The following CTNNA3 variants were observed in gnomAD, a reference collection of about 807,000 sequenced individuals.
The protein encoded by CTNNA3 is catenin alpha-3.
In CTNNA3, 76 loss-of-function variants were observed where a neutral mutation model predicts 95.7. The observed-to-expected ratio is 0.79, with a 90% CI of 0.66 to 0.96. The LOEUF is 0.96. Ranked by LOEUF, CTNNA3 falls within the 40% of genes least tolerant of loss-of-function variation. CTNNA3 has a pLI of 0.00. For missense variants in CTNNA3, 1,191 were observed against 1,089.8 expected (o/e 1.09, Z -1.31); for synonymous variants, 431 against 374.4 (o/e 1.15, Z -1.74).
chr10:66,299,121 C>T (rs929704503), intron 12 of CTNNA3, among the ~76,000 whole-genome samples: 6 of 152,138 alleles, frequency 3.9e-5, no homozygotes, highest in East Asian at 3.9e-4. Context: ...CAAGTTGTCC[C>T]GCCTTTCTAG....
rs1018773386 is a variant in CTNNA3 at position 66,108,242 on chromosome 10, CACAA to C, written c.1885-4997_1885-4994del. Among the ~76,000 whole-genome samples, 6 of 152,128 alleles carry C rather than the reference CACAA, an allele frequency of 3.9e-5. No homozygotes were observed. The East Asian group carries it at 7.7e-4, about 20-fold the overall frequency. Reference sequence around the variant, plus strand: ...ACATGGCCCTTGTTTAACACACACACACAAACAAACACTGAAGTTCCTGCCCCAC... The same window carrying C: ...ACATGGCCCTTGTTTAACACACACACACAAACACTGAAGTTCCTGCCCCAC... On this transcript the variant is annotated intron_variant, in intron 13 of 17. Coordinates refer to ENST00000433211, the MANE Select transcript of CTNNA3 (RefSeq NM_013266.4).
chr10:66,775,380 T>C (rs1198575568), intron 8 of CTNNA3, 64 bp downstream of exon 8: 5 of 1,062,218 alleles, frequency 4.7e-6, no homozygotes, highest in Non-Finnish European at 5.6e-6. Context: ...CAAATATGCC[T>C]GCAATGAATA....
At chr10:67,161,386 T>C (rs1012963669) in intron 7 of CTNNA3, among the ~76,000 whole-genome samples, 2 of 151,598 alleles carry the variant, frequency 1.3e-5, no homozygotes, top group Admixed American at 6.6e-5. Flanking sequence ...ATTTAATATA[T>C]TTATATAATA....
At chr10:66,008,604 G>A (rs1001699386) in intron 15 of CTNNA3, among the ~76,000 whole-genome samples, 5 of 152,012 alleles carry the variant, frequency 3.3e-5, no homozygotes, top group African/African-American at 1.2e-4. Flanking sequence ...TTCTCTATAC[G>A]TCTATGTTTC....
At chr10:66,381,834 G>A (rs2092841482) in intron 11 of CTNNA3, among the ~76,000 whole-genome samples, 1 of 152,130 alleles carries the variant, frequency 6.6e-6, no homozygotes, top group African/African-American at 2.4e-5. Context: ...GAAAGCATAT[G>A]TATATTATCA....
At chr10:66,234,918 G>A (rs1043485241) in intron 13 of CTNNA3, among the ~76,000 whole-genome samples, 11 of 152,134 alleles carry the variant, frequency 7.2e-5, no homozygotes, top group Admixed American at 2.6e-4. Context: ...TGCAATTGAA[G>A]CCATCTGCTA....
chr10:67,407,034 T>C (rs150785072), intron 5 of CTNNA3, among the ~76,000 whole-genome samples: 4 of 152,206 alleles, frequency 2.6e-5, no homozygotes, highest in East Asian at 1.9e-4. Flanking sequence ...TTCCAAACAA[T>C]TGAAAAGCAG....
intron 7 of CTNNA3, among the ~76,000 whole-genome samples, chr10:67,175,083 A>G (rs1196092294): frequency 2.2e-5 from 2 of 92,956 alleles, no homozygotes; most frequent in South Asian, 4.4e-4. Context: ...AAAAAAAAAA[A>G]AAAGAAAGGA....
intron 17 of CTNNA3, among the ~76,000 whole-genome samples, chr10:65,964,089 A>G (rs2133249462): frequency 6.6e-6 from 1 of 152,272 alleles, no homozygotes; most frequent in Admixed American, 6.5e-5. Flanking sequence ...AAATTTCTGT[A>G]ATTTTTAGTG....
chr10:67,506,717 C>T (rs999292011), intron 5 of CTNNA3, among the ~76,000 whole-genome samples: 5 of 152,058 alleles, frequency 3.3e-5, no homozygotes, highest in African/African-American at 4.8e-5. Context: ...ACAAGGACAC[C>T]GTAACAGTCA....
chr10:66,199,782 TATATATATATATATATATA>T lies in CTNNA3; in HGVS notation c.1884+80669_1884+80687del, dbSNP rs2087221871. Among the ~76,000 whole-genome samples, 9 of 12,666 alleles carry T rather than the reference TATATATATATATATATATA, an allele frequency of 7.1e-4. 1 individual carries two copies. Among genetic ancestry groups the T allele is most frequent in the African/African-American group, 2.2e-3 (8 of 3,720 alleles). The allele number at this position is 12,666 out of a possible 152,430, so 8.3% of individuals were successfully genotyped here. A position where few individuals can be genotyped will look rare whatever the true frequency, so the allele number is the denominator to read the frequency against. ...ACGCCTGGCTATATATATATATATA[TATATATATATATATATATA>T]TATATTTTTTTTTTTTTTTTTTTTT... On this transcript the variant is annotated intron_variant, in intron 13 of 17. Transcript: ENST00000433211.
chr10:67,041,665 A>G (rs988161186), intron 7 of CTNNA3, among the ~76,000 whole-genome samples: 2 of 152,156 alleles, frequency 1.3e-5, no homozygotes, highest in Non-Finnish European at 2.9e-5. Flanking sequence ...TAAAATTGGC[A>G]TGTGTCTATT....
chr10:67,082,145 A>G (rs1857088476), intron 7 of CTNNA3, among the ~76,000 whole-genome samples: 1 of 152,228 alleles, frequency 6.6e-6, no homozygotes, highest in African/African-American at 2.4e-5. Context: ...TTAAAATTAA[A>G]AAACAGAGAA....
intron 5 of CTNNA3, among the ~76,000 whole-genome samples, chr10:67,283,861 T>C (rs1002366453): frequency 6.6e-6 from 1 of 152,218 alleles, no homozygotes; most frequent in Non-Finnish European, 1.5e-5. Flanking sequence ...CAATATCCTT[T>C]TGAACAATCA....
intron 7 of CTNNA3, among the ~76,000 whole-genome samples, chr10:66,939,959 CT>C (rs373856650): frequency 1.2e-4 from 18 of 152,228 alleles, no homozygotes; most frequent in East Asian, 9.7e-4. Flanking sequence ...TTTTTTACCC[CT>C]ATACGCATCT....
At chr10:66,110,190 G>A (rs573578840) in intron 13 of CTNNA3, among the ~76,000 whole-genome samples, 10 of 151,546 alleles carry the variant, frequency 6.6e-5, no homozygotes, top group South Asian at 6.3e-4. Flanking sequence ...GTGAAACCCC[G>A]TCTCTACTAA....
At chr10:66,322,742 C>A (rs951716877) in intron 12 of CTNNA3, among the ~76,000 whole-genome samples, 1 of 152,032 alleles carries the variant, frequency 6.6e-6, no homozygotes, top group African/African-American at 2.4e-5. Context: ...GCCAGCTGCA[C>A]TTAAGTGTCA....
intron 3 of CTNNA3, among the ~76,000 whole-genome samples, chr10:67,560,689 T>G (rs1363351048): frequency 1.3e-5 from 2 of 152,164 alleles, no homozygotes; most frequent in East Asian, 3.8e-4. Context: ...AGATACAGAC[T>G]GGCAAATTGG....
intron 1 of CTNNA3, among the ~76,000 whole-genome samples, 168 bp downstream of exon 1, chr10:67,695,832 C>T (rs1444134123): frequency 6.6e-6 from 1 of 152,178 alleles, no homozygotes; most frequent in Non-Finnish European, 1.5e-5. Flanking sequence ...GCCTACGTTT[C>T]TCATAACTAG....
Sources: allele counts gnomAD v4.1 joint callset (sites outside exome capture counted in the v4.1 genomes callset), GRCh38; gene constraint gnomAD v4.1.1; transcripts MANE v1.5; gene names NCBI Gene and HGNC (gene_info 2026-07-23, HGNC 2026-07-21).